NRBF2: variants seen among roughly 807,000 people sequenced by gnomAD.
NRBF2 encodes the protein nuclear receptor binding factor 2.
In NRBF2, 12 loss-of-function variants were observed where a neutral mutation model predicts 28.5. The ratio of observed to expected loss-of-function variants is 0.42; its 90% CI spans 0.27 to 0.68. The LOEUF (loss-of-function observed/expected upper bound fraction) is 0.68, where lower values mean the gene tolerates loss of function less well. Among genes scored for constraint, NRBF2 ranks in the 30% least tolerant of loss-of-function variants. The probability of loss-of-function intolerance (pLI) is 0.24; values close to 1 mark genes in which losing one functional copy is unlikely to be tolerated. For missense variants in NRBF2, 274 were observed against 333.5 expected, an observed-to-expected ratio of 0.82 and a Z score of 1.39; for synonymous variants, 102 against 116.5, an observed-to-expected ratio of 0.88 and a Z score of 0.80.
chr10:63,154,373 A>G lies in NRBF2; in HGVS notation c.*155A>G, dbSNP rs1477147240. 4 of 588,872 alleles carry G rather than the reference A, an allele frequency of 6.8e-6. No homozygotes were observed. The Admixed American group carries it at 9.9e-5, about 15-fold the overall frequency. 36.5% of individuals were successfully genotyped at this position (588,872 alleles called of 1,614,324 possible). On this transcript the variant is annotated 3_prime_UTR_variant, in exon 4 of 4. Transcript: ENST00000277746. Reference sequence around the variant, plus strand: ...GCAGAGGCATTGCCAGGACTTGGGAAACAGTCACTGTGAAATGCGCTGCGT... The same window carrying G: ...GCAGAGGCATTGCCAGGACTTGGGAGACAGTCACTGTGAAATGCGCTGCGT...
At chr10:63,143,585 C>T (rs560582522) in intron 1 of NRBF2, among the ~76,000 whole-genome samples, 5 of 151,682 alleles carry the variant, frequency 3.3e-5, no homozygotes, top group African/African-American at 9.7e-5. Context: ...TTCAGCCTCC[C>T]GAGTAGCTGG....
At position 63,152,305 on chromosome 10, in the gene NRBF2, T is replaced by C. The variant is rs968820798; in HGVS notation, c.156+115T>C. On this transcript the variant is annotated intron_variant, in intron 3 of 3. Transcript: ENST00000277746. ...TCTCAAAATGCTATAGTCAAAAATATATAAAATGGGCAAGGGAAGAGCACT... is the reference window on the plus strand; with the variant it reads ...TCTCAAAATGCTATAGTCAAAAATACATAAAATGGGCAAGGGAAGAGCACT... 1.8e-5 allele frequency: 13 copies of C among 735,070 alleles called. No individual in the cohort carries two copies. The Admixed American group carries it at 1.8e-4, about 10-fold the overall frequency. 45.5% of individuals were successfully genotyped at this position (735,070 alleles called of 1,614,324 possible). A position where few individuals can be genotyped will look rare whatever the true frequency, so the allele number is the denominator to read the frequency against.
At chr10:63,152,781 G>C (rs561308334) in intron 3 of NRBF2, among the ~76,000 whole-genome samples, 2 of 152,288 alleles carry the variant, frequency 1.3e-5, no homozygotes, top group African/African-American at 4.8e-5. Context: ...GGGATCACTT[G>C]AGCCCAGGAG....
chr10:63,151,722 A>G (rs562671972), intron 2 of NRBF2, among the ~76,000 whole-genome samples: 55 of 152,340 alleles, frequency 3.6e-4, no homozygotes, highest in African/African-American at 1.1e-3. Flanking sequence ...CTCAGAGACA[A>G]TTCATTAAAA....
chr10:63,152,117 A>G, intron 2 of NRBF2, 33 bp from the exon 3 acceptor site: 2 of 1,547,016 alleles, frequency 1.3e-6, no homozygotes, highest in Admixed American at 3.4e-5. Flanking sequence ...AAATGAAGAC[A>G]CATATTAACA....
chr10:63,144,865 C>CT (rs1841534926), intron 1 of NRBF2, among the ~76,000 whole-genome samples: 2 of 152,012 alleles, frequency 1.3e-5, no homozygotes, highest in Admixed American at 1.3e-4. Flanking sequence ...ATGCTTTTTG[C>CT]TTTTTTGTGA....
Position 63,152,029 on chromosome 10 carries a change from A to G in NRBF2, c.116-121A>G. The G allele has an allele frequency of 6.9e-6, 4 of 582,530 alleles. 1 individual carries two copies. Among genetic ancestry groups the G allele is most frequent in the Middle Eastern group, 6.2e-4 (2 of 3,208 alleles). The allele number at this position is 582,530 out of a possible 1,614,324, so 36.1% of individuals were successfully genotyped here. ...TAAGAATTCTTTTAAAAAATCCCCA[A>G]TTGTATCAGAGTTATCAGACCAGTT... On this transcript the variant is annotated intron_variant, in intron 2 of 3. Coordinates refer to ENST00000277746, the MANE Select transcript of NRBF2 (RefSeq NM_030759.5).
intron 1 of NRBF2, among the ~76,000 whole-genome samples, chr10:63,134,325 G>T (rs2132673061): frequency 6.6e-6 from 1 of 152,288 alleles, no homozygotes; most frequent in East Asian, 1.9e-4. Context: ...TTCCAGAGAG[G>T]TTACCCATTT....
At position 63,154,157 on chromosome 10, in the gene NRBF2, C is replaced by T. The variant is rs1371474092; in HGVS notation, c.803C>T (p.Ser268Phe). Residue 268 changes from serine to phenylalanine, a missense_variant, in exon 4 of 4, where the codon TCT becomes TTT. Transcript: ENST00000277746. ...AATCTTCCTCCCTTGGATTTTCCAT[C>T]TCCAGAACTTCCTCTTATGGAGCTC... is the stretch of plus-strand genomic sequence containing the variant. ...IPNLPPLDFP[S>F]PELPLMELSE... The T allele has an allele frequency of 4.3e-6, 7 of 1,613,240 alleles. No homozygotes were observed. Among genetic ancestry groups the T allele is most frequent in the African/African-American group, 1.3e-5 (1 of 74,890 alleles).
At chr10:63,135,827 A>G (rs927036712) in intron 1 of NRBF2, among the ~76,000 whole-genome samples, 2 of 151,852 alleles carry the variant, frequency 1.3e-5, no homozygotes, top group South Asian at 2.1e-4. Context: ...TTGTATTTTT[A>G]GTAGAGACGG....
intron 1 of NRBF2, 132 bp from the exon 2 acceptor site, chr10:63,146,077 T>C (rs373443199): frequency 2.0e-5 from 14 of 703,486 alleles, no homozygotes; most frequent in African/African-American, 2.0e-4. Context: ...CAGCTACAGA[T>C]AGAGCTGTAA....
intron 1 of NRBF2, among the ~76,000 whole-genome samples, chr10:63,142,776 C>CTTCCTTTT (rs1564529812): frequency 3.8e-5 from 1 of 26,500 alleles, no homozygotes; most frequent in African/African-American, 1.4e-4. Flanking sequence ...TTCTTTCTTT[C>CTTCCTTTT]TTTCTTTTTT....
At position 63,153,456 on chromosome 10, in the gene NRBF2, ATTACTAAGATACTTAAAATAT is replaced by A. The variant is rs899837968; in HGVS notation, c.157-53_157-33del. The A allele has an allele frequency of 2.3e-6, 3 of 1,326,836 alleles. No homozygotes were observed. In the African/African-American group the frequency reaches 4.4e-5, roughly 19 times the overall value. 82.2% of individuals were successfully genotyped at this position (1,326,836 alleles called of 1,614,324 possible). The stretch of plus-strand genomic sequence containing the variant: ...GGATTTTGAATAGTGTATGTTGGAC[ATTACTAAGATACTTAAAATAT>A]TCTTCCAATTTTATCTTTCCTTCTA... On this transcript the variant is annotated intron_variant, in intron 3 of 3. Coordinates refer to ENST00000277746, the MANE Select transcript of NRBF2 (RefSeq NM_030759.5).
At chr10:63,149,406 A>C (rs1289490766) in intron 2 of NRBF2, among the ~76,000 whole-genome samples, 1 of 152,188 alleles carries the variant, frequency 6.6e-6, no homozygotes, top group Non-Finnish European at 1.5e-5. Flanking sequence ...AGATTTCCTT[A>C]GTTCCTTTAT....
intron 3 of NRBF2, 106 bp downstream of exon 3, chr10:63,152,296 T>C: frequency 2.5e-6 from 2 of 802,538 alleles, no homozygotes; most frequent in Non-Finnish European, 4.1e-6. Flanking sequence ...AATGCTATAG[T>C]CAAAAATATA....
intron 1 of NRBF2, 83 bp downstream of exon 1, chr10:63,133,583 C>G: frequency 9.4e-7 from 1 of 1,066,040 alleles, no homozygotes; most frequent in Non-Finnish European, 1.4e-6. Flanking sequence ...GTCGGCTAAC[C>G]CTTTAGGCTG....
intron 3 of NRBF2, 68 bp from the exon 4 acceptor site, chr10:63,153,443 G>C: frequency 8.5e-7 from 1 of 1,172,690 alleles, no homozygotes; most frequent in Non-Finnish European, 1.2e-6. Flanking sequence ...ATTTTGAATA[G>C]TGTATGTTGG....
intron 1 of NRBF2, among the ~76,000 whole-genome samples, chr10:63,144,416 C>CTT (rs1236186282): frequency 4.7e-5 from 4 of 84,542 alleles, no homozygotes; most frequent in Non-Finnish European, 9.8e-5. Context: ...AATTATCTTC[C>CTT]CTTTTTTTTT....
At chr10:63,144,505 T>C (rs1841529497) in intron 1 of NRBF2, among the ~76,000 whole-genome samples, 1 of 150,906 alleles carries the variant, frequency 6.6e-6, no homozygotes, top group Non-Finnish European at 1.5e-5. Flanking sequence ...AGCTCTGCCT[T>C]CCGGGTTCAC....
Sources: allele counts gnomAD v4.1 joint callset (sites outside exome capture counted in the v4.1 genomes callset), GRCh38; gene constraint gnomAD v4.1.1; transcripts MANE v1.5; gene names NCBI Gene and HGNC (gene_info 2026-07-23, HGNC 2026-07-21).